The following STAT5A variants were observed in gnomAD, a reference collection of about 807,000 sequenced individuals.
STAT5A encodes epididymis secretory sperm binding protein.
In STAT5A, 26 loss-of-function variants were observed where a neutral mutation model predicts 100.2. The observed-to-expected ratio is 0.26, with a 90% CI of 0.19 to 0.36. The LOEUF (loss-of-function observed/expected upper bound fraction) is 0.36, where lower values mean the gene tolerates loss of function less well. Among genes scored for constraint, STAT5A ranks in the 10% least tolerant of loss-of-function variants. The probability of loss-of-function intolerance (pLI) is 1.00; values close to 1 mark genes in which losing one functional copy is unlikely to be tolerated. For synonymous variants in STAT5A, 330 were observed against 424.3 expected (o/e 0.78, Z 2.73); for missense variants, 634 against 1,027.5 (o/e 0.62, Z 5.24).
In STAT5A at chr17:42,308,030, G is replaced by A. The variant is rs1251641965; in HGVS notation, c.1907-148G>A. 5.3e-6 allele frequency: 6 copies of A among 1,128,296 alleles called. No individual in the cohort carries two copies. Among genetic ancestry groups the A allele is most frequent in the Non-Finnish European group, 7.4e-6 (6 of 805,874 alleles). 69.9% of individuals were successfully genotyped at this position (1,128,296 alleles called of 1,614,324 possible). A position where few individuals can be genotyped will look rare whatever the true frequency, so the allele number is the denominator to read the frequency against. ...TCTGGTTTGCTGAGTAGAACATCCC[G>A]CATCGGCTTTCTTCCCTACAGGCTG... On this transcript the variant is annotated intron_variant, in intron 15 of 18. Transcript: ENST00000590949. The surrounding 1 kb of genome is among the most constrained non-coding windows in gnomAD (Gnocchi z 4.6).
chr17:42,306,527 T>TG, intron 13 of STAT5A, 80 bp downstream of exon 13: 1 of 1,549,068 alleles, frequency 6.5e-7, no homozygotes, highest in East Asian at 2.4e-5. Context: ...GGTTACTGCC[T>TG]GGGGCTAGCA....
At position 42,307,462 on chromosome 17, in the gene STAT5A, T is replaced by C. The variant is rs753447022; in HGVS notation, c.1741T>C (p.Leu581=). Residue 581 remains leucine, a synonymous_variant, in exon 14 of 19, where the codon TTG becomes CTG. Coordinates refer to ENST00000590949, the MANE Select transcript of STAT5A (RefSeq NM_001288718.2). ...GTGGTTTGACGGGGTGATGGAGGTGTTGAAGAAGCACCACAAGCCCCACTG... is the reference window on the plus strand; with the variant it reads ...GTGGTTTGACGGGGTGATGGAGGTGCTGAAGAAGCACCACAAGCCCCACTG... ...WQWFDGVMEV[L]KKHHKPHWND... is the part of the protein sequence containing the mutation. The C allele has an allele frequency of 6.2e-7, 1 of 1,613,880 alleles. No individual in the cohort carries two copies. The highest frequency in any genetic ancestry group is 8.5e-7 in the Non-Finnish European group (1 of 1,179,968).
rs780195853 is a variant in STAT5A at position 42,305,712 on chromosome 17, C to CGT, written c.1473+12_1473+13dup. ...TGCCTTTGCTGAGCCGGTGAGTCCCCGTGGGAGCCCTACCCCAGCACCCCC... is the reference window on the plus strand; with the variant it reads ...TGCCTTTGCTGAGCCGGTGAGTCCCCGTGTGGGAGCCCTACCCCAGCACCCCC... On this transcript the variant is annotated intron_variant, in intron 12 of 18. Coordinates refer to ENST00000590949, the MANE Select transcript of STAT5A (RefSeq NM_001288718.2). 12 of 1,613,660 alleles carry CGT rather than the reference C, an allele frequency of 7.4e-6. No homozygotes were observed. In the Admixed American group the frequency reaches 1.3e-4, roughly 18 times the overall value.
upstream of STAT5A, chr17:42,288,106 C>G (rs1415612410): frequency 6.6e-6 from 1 of 152,246 alleles, no homozygotes; most frequent in Non-Finnish European, 1.5e-5. This position sits in a 1 kb window ranked among gnomAD's most constrained non-coding sequence, Gnocchi z 4.8. Flanking sequence ...CCAATTGGTC[C>G]ACTTTTCCCT....
rs913930908 is a variant in STAT5A, at chr17:42,304,996, G to T, written c.1380+344G>T. On this transcript the variant is annotated intron_variant, in intron 11 of 18. Coordinates refer to ENST00000590949, the MANE Select transcript of STAT5A (RefSeq NM_001288718.2). The surrounding 1 kb of genome is among the most constrained non-coding windows in gnomAD (Gnocchi z 4.8). ...GAGGGAGGACTGCTTGAGTCCAGGAGTTCAAGACTAGCCTGGGCAGCATAG... is the reference window on the plus strand; with the variant it reads ...GAGGGAGGACTGCTTGAGTCCAGGATTTCAAGACTAGCCTGGGCAGCATAG... 6.6e-6 allele frequency among the ~76,000 whole-genome samples: 1 copy of T among 152,030 alleles called. No individual in the cohort carries two copies. The highest frequency in any genetic ancestry group is 1.5e-5 in the Non-Finnish European group (1 of 68,000).
chr17:42,301,576 G>A (rs546473259), intron 9 of STAT5A, 122 bp downstream of exon 9: 65 of 1,419,084 alleles, frequency 4.6e-5, no homozygotes, highest in Admixed American at 1.6e-4. Context: ...GGCTGGTCTC[G>A]AACTCCTGGA....
intron 1 of STAT5A, chr17:42,289,190 C>T (rs2080844263): frequency 2.0e-6 from 1 of 493,882 alleles, no homozygotes; most frequent in South Asian, 3.4e-5. Flanking sequence ...TGCAGAGCAC[C>T]TTCCCCTCCC....
intron 12 of STAT5A, 34 bp downstream of exon 12, chr17:42,305,736 C>G: frequency 6.2e-7 from 1 of 1,609,422 alleles, no homozygotes; most frequent in Non-Finnish European, 8.5e-7. Context: ...CCCAGCACCC[C>G]CAGGCCCTAG....
At chr17:42,289,821 C>A in intron 2 of STAT5A, 45 bp from the exon 3 acceptor site, 1 of 1,470,050 alleles carries the variant, frequency 6.8e-7, no homozygotes. Context: ...CCTCCTTGCC[C>A]AAGGAGGTGC....
At chr17:42,307,558 G>A in intron 14 of STAT5A, 35 bp from the exon 15 acceptor site, 2 of 1,614,056 alleles carry the variant, frequency 1.2e-6, no homozygotes, top group Non-Finnish European at 1.7e-6. Context: ...TGTGGCTGTG[G>A]CCCAGTGGTG....
At position 42,311,700 on chromosome 17, in the gene STAT5A, C is replaced by G. The variant is rs527940414; in HGVS notation, c.*1031C>G. ...ACTCCGCTGGAGGTGGGGCCTGGAG[C>G]AGGCCTTGCGCTGTTGCGTAACTGG... On this transcript the variant is annotated 3_prime_UTR_variant, in exon 19 of 19. Coordinates refer to ENST00000590949, the MANE Select transcript of STAT5A (RefSeq NM_001288718.2). 1 of 152,794 alleles carries G rather than the reference C, an allele frequency of 6.5e-6. No individual in the cohort carries two copies. The highest frequency in any genetic ancestry group is 2.4e-5 in the African/African-American group (1 of 41,586). 9.5% of individuals were successfully genotyped at this position (152,794 alleles called of 1,614,324 possible).
chr17:42,308,529 C>T lies in STAT5A; in HGVS notation c.2062+196C>T. On this transcript the variant is annotated intron_variant, in intron 16 of 18. Coordinates refer to ENST00000590949, the MANE Select transcript of STAT5A (RefSeq NM_001288718.2). The surrounding 1 kb of genome is among the most constrained non-coding windows in gnomAD (Gnocchi z 4.6). ...AGGAGAGGGAACGAGAAACCCGTCC[C>T]AGCTCTCTTCTCTGCAAAGTGAAAG... is the stretch of plus-strand genomic sequence containing the variant. The T allele has an allele frequency of 1.5e-6, 1 of 684,388 alleles. No homozygotes were observed. The highest frequency in any genetic ancestry group is 2.8e-5 in the East Asian group (1 of 36,104). 42.4% of individuals were successfully genotyped at this position (684,388 alleles called of 1,614,324 possible).
chr17:42,308,276 G>A lies in STAT5A; in HGVS notation c.2005G>A (p.Val669Met), dbSNP rs1312231711. ...GGGGGACCTGAGCTATCTCATCTAT[G>A]TGTTTCCTGACCGCCCCAAGGATGA... ...RLGDLSYLIY[V>M]FPDRPKDEVF... The change falls in exon 16 of 19, where the codon GTG (valine) becomes ATG (methionine). Residue 669 changes from valine to methionine, a missense_variant. Val to Met is a conservative substitution (Grantham distance 21). This residue lies in a region of STAT5A where 210 missense variants were observed against 428.4 expected (regional missense o/e 0.49). Coordinates refer to ENST00000590949, the MANE Select transcript of STAT5A (RefSeq NM_001288718.2). The surrounding 1 kb of genome is among the most constrained non-coding windows in gnomAD (Gnocchi z 4.6). The A allele has an allele frequency of 6.2e-7, 1 of 1,614,200 alleles. No individual in the cohort carries two copies. The highest frequency in any genetic ancestry group is 1.1e-5 in the South Asian group (1 of 91,086).
chr17:42,306,556 A>C, intron 13 of STAT5A, 109 bp downstream of exon 13: 4 of 1,493,684 alleles, frequency 2.7e-6, no homozygotes, highest in Non-Finnish European at 3.6e-6. Context: ...TCCACCCCCA[A>C]CCACTCTCTC....
At position 42,299,757 on chromosome 17, in the gene STAT5A, T is replaced by G. The variant is rs2080957264; in HGVS notation, c.557T>G (p.Phe186Cys). 1 of 1,614,090 alleles carries G rather than the reference T, an allele frequency of 6.2e-7. No homozygotes were observed. The highest frequency in any genetic ancestry group is 1.7e-5 in the Admixed American group (1 of 60,012). The change falls in exon 6 of 19, where the codon TTT (phenylalanine) becomes TGT (cysteine). Residue 186 changes from phenylalanine (F) to cysteine (C), a missense_variant. Transcript: ENST00000590949. ...YQESLRIQAQ[F>C]AQLAQLSPQE... ...TTCCTCTTCTCTCCTCTAGCTCAGT[T>G]TGCCCAGCTGGCCCAGCTGAGCCCC...
chr17:42,307,546 A>T (rs1194626810), intron 14 of STAT5A, 47 bp from the exon 15 acceptor site: 1 of 1,613,810 alleles, frequency 6.2e-7, no homozygotes, highest in Non-Finnish European at 8.5e-7. Context: ...GCGCAGAGAG[A>T]CTGTGGCTGT....
intron 17 of STAT5A, 93 bp from the exon 18 acceptor site, chr17:42,309,284 C>G: frequency 6.5e-7 from 1 of 1,542,974 alleles, no homozygotes; most frequent in Non-Finnish European, 8.9e-7. Context: ...CCGTCTACAC[C>G]CCGAGAAAGA....
intron 5 of STAT5A, among the ~76,000 whole-genome samples, chr17:42,296,677 G>A (rs147153179): frequency 1.3e-5 from 2 of 150,874 alleles, no homozygotes; most frequent in Non-Finnish European, 2.9e-5. Flanking sequence ...TTGCTCTGTC[G>A]CCCAGGCTGG....
At chr17:42,301,524 G>A (rs1244846602) in intron 9 of STAT5A, 70 bp downstream of exon 9, 3 of 1,584,422 alleles carry the variant, frequency 1.9e-6, no homozygotes, top group East Asian at 2.3e-5. Flanking sequence ...CTTTGTCCTT[G>A]CATCCAGCTA....
Sources: gnomAD v4.1 joint callset for allele counts (sites outside exome capture counted in the v4.1 genomes callset) on GRCh38, gnomAD v4.1.1 for gene constraint, gnomAD v4.1.1 regional missense constraint, Gnocchi (gnomAD v3.1) non-coding constraint, MANE v1.5 for transcripts, NCBI Gene and HGNC (gene_info 2026-07-23, HGNC 2026-07-21) for gene names.